The following CACNG8 variants were observed in gnomAD, a reference collection of about 807,000 sequenced individuals.
The protein encoded by CACNG8 is calcium voltage-gated channel auxiliary subunit gamma 8.
A neutral mutation model predicts 26.9 loss-of-function variants in CACNG8; 5 were observed. The observed-to-expected ratio is 0.19, with a 90% CI of 0.10 to 0.39. The LOEUF is 0.39. CACNG8 is among the 10% of genes least tolerant of loss of function. The pLI is 1.00. For missense variants in CACNG8, 473 were observed against 609.4 expected (o/e 0.78, Z 2.36); for synonymous variants, 321 against 296.7 (o/e 1.08, Z -0.84).
intron 1 of CACNG8, among the ~76,000 whole-genome samples, chr19:53,974,480 G>A (rs1372700772): frequency 6.6e-6 from 1 of 152,102 alleles, no homozygotes; most frequent in African/African-American, 2.4e-5. Flanking sequence ...ACCAGTACTG[G>A]CATTGCTGGA....
At chr19:53,969,249 C>T (rs1410758303) in intron 1 of CACNG8, among the ~76,000 whole-genome samples, 3 of 151,996 alleles carry the variant, frequency 2.0e-5, no homozygotes, top group South Asian at 2.1e-4. Context: ...GTGATCTGCC[C>T]GCCTTGGCCT....
rs1027836143 is a variant in CACNG8, at chr19:53,979,186, G to T, written c.368-681G>T. Among the ~76,000 whole-genome samples, 6 of 125,598 alleles carry T rather than the reference G, an allele frequency of 4.8e-5. No homozygotes were observed. In the Admixed American group the frequency reaches 5.4e-4, roughly 11 times the overall value. 82.4% of individuals were successfully genotyped at this position (125,598 alleles called of 152,430 possible). ...AGAGAGACTTAGGAAGACAGATGAG[G>T]CCAGGCAGAAAAAGCGGGGTGGGGG... On this transcript the variant is annotated intron_variant, in intron 2 of 3. Transcript: ENST00000270458.
At position 53,982,074 on chromosome 19, in the gene CACNG8, G is replaced by C. The variant is rs1381906807; in HGVS notation, c.509-6G>C. 1 of 1,555,006 alleles carries C rather than the reference G, an allele frequency of 6.4e-7. No homozygotes were observed. Among genetic ancestry groups the C allele is most frequent in the Admixed American group, 1.9e-5 (1 of 52,256 alleles). On this transcript the variant is annotated splice_region_variant and splice_polypyrimidine_tract_variant and intron_variant, in intron 3 of 3. Coordinates refer to ENST00000270458, the MANE Select transcript of CACNG8 (RefSeq NM_031895.6). This position sits in a 1 kb window ranked among gnomAD's most constrained non-coding sequence, Gnocchi z 8.4. ...TCGAGGCTCCCGTCTGACCGTCCCC[G>C]CCCAGGCCTGAGCAACATCATCGGC... is the stretch of plus-strand genomic sequence containing the variant.
rs1220966100 is a variant in CACNG8, at chr19:53,963,348, G to C, written c.206G>C (p.Gly69Ala). The C allele has an allele frequency of 6.3e-7, 1 of 1,594,690 alleles. No individual in the cohort carries two copies. Among genetic ancestry groups the C allele is most frequent in the Non-Finnish European group, 8.5e-7 (1 of 1,175,674 alleles). The change falls in exon 1 of 4, where the codon GGG becomes GCG. Residue 69 changes from glycine to alanine, a missense_variant. Coordinates refer to ENST00000270458, the MANE Select transcript of CACNG8 (RefSeq NM_031895.6). ...GGCGACGACGGGACCCCCCACCGCG[G>C]GGGCGGCGGCGCCTCGGAGAAGAAG...
Position 53,988,175 on chromosome 19 carries a change from G to A in CACNG8, c.*5326G>A, listed in dbSNP as rs1255082406. 3 of 152,366 alleles carry A rather than the reference G, an allele frequency of 2.0e-5. No homozygotes were observed. The highest frequency in any genetic ancestry group is 2.9e-5 in the Non-Finnish European group (2 of 68,118). 9.4% of individuals were successfully genotyped at this position (152,366 alleles called of 1,614,324 possible). A position where few individuals can be genotyped will look rare whatever the true frequency, so the allele number is the denominator to read the frequency against. ...AGGGTTGGTGATCTTGATAAGATAA[G>A]ATGTCAGTTCAGTGCAGTGGTGGGG... is the stretch of plus-strand genomic sequence containing the variant. On this transcript the variant is annotated 3_prime_UTR_variant, in exon 4 of 4. Transcript: ENST00000270458.
rs200782558 is a variant in CACNG8 at position 53,963,196 on chromosome 19, G to A, written c.54G>A (p.Gly18=). 58 of 1,597,316 alleles carry A rather than the reference G, an allele frequency of 3.6e-5. No individual in the cohort carries two copies. In the African/African-American group the frequency reaches 6.7e-4, roughly 18 times the overall value. Residue 18 remains glycine (G), a synonymous_variant, in exon 1 of 4, where the codon GGG becomes GGA. Transcript: ENST00000270458. ...AGCGGGGCCTCTGGTGCGAGAAGGG[G>A]GTGCAGGTGCTGCTGACGACGGTGG... is the stretch of plus-strand genomic sequence containing the variant.
In CACNG8 at chr19:53,983,384, C is replaced by G. The variant is rs1037823858; in HGVS notation, c.*535C>G. ...TTATTCCACAAGGGCTTATTAAGCA[C>G]CTACTGTGTACCAGGCACTGGTACA... On this transcript the variant is annotated 3_prime_UTR_variant, in exon 4 of 4. Coordinates refer to ENST00000270458, the MANE Select transcript of CACNG8 (RefSeq NM_031895.6). 2.3e-4 allele frequency: 35 copies of G among 152,276 alleles called. No homozygotes were observed. The highest frequency in any genetic ancestry group is 7.0e-4 in the African/African-American group (29 of 41,522). 9.4% of individuals were successfully genotyped at this position (152,276 alleles called of 1,614,324 possible).
chr19:53,963,728 C>T (rs2069256414), intron 1 of CACNG8, among the ~76,000 whole-genome samples: 1 of 152,058 alleles, frequency 6.6e-6, no homozygotes, highest in African/African-American at 2.4e-5. Flanking sequence ...CCCCATCACA[C>T]CCCTGCATCT....
At chr19:53,970,423 G>A (rs1039389690) in intron 1 of CACNG8, among the ~76,000 whole-genome samples, 1 of 147,710 alleles carries the variant, frequency 6.8e-6, no homozygotes, top group South Asian at 2.1e-4. Context: ...TCAGGAGTTC[G>A]AGTCCAGCCT....
At position 53,989,258 on chromosome 19, in the gene CACNG8, C is replaced by G. The variant is rs916323292; in HGVS notation, c.*6409C>G. ...CTTCAGGCTGGGCCACAGAGCAAGA[C>G]CCTGTCTCAGAAAACAGAAAGAAAG... On this transcript the variant is annotated 3_prime_UTR_variant, in exon 4 of 4. Transcript: ENST00000270458. The G allele has an allele frequency of 6.6e-6, 1 of 152,168 alleles. No homozygotes were observed. The highest frequency in any genetic ancestry group is 1.5e-5 in the Non-Finnish European group (1 of 68,122). The allele number at this position is 152,168 out of a possible 1,614,324, so 9.4% of individuals were successfully genotyped here.
Position 53,963,090 on chromosome 19 carries a change from C to T in CACNG8, c.-53C>T. ...CCCCCCCCAGCCGCCGGCACGGCCC[C>T]GCCCCCGCTGCCCCGGTGGTGGCCC... On this transcript the variant is annotated 5_prime_UTR_variant, in exon 1 of 4. Coordinates refer to ENST00000270458, the MANE Select transcript of CACNG8 (RefSeq NM_031895.6). 1.5e-6 allele frequency: 2 copies of T among 1,311,300 alleles called. No homozygotes were observed. Among genetic ancestry groups the T allele is most frequent in the Non-Finnish European group, 2.0e-6 (2 of 1,006,248 alleles). The allele number at this position is 1,311,300 out of a possible 1,614,324, so 81.2% of individuals were successfully genotyped here.
intron 2 of CACNG8, 25 bp from the exon 3 acceptor site, chr19:53,979,841 CT>C: frequency 1.9e-6 from 3 of 1,578,662 alleles, no homozygotes; most frequent in East Asian, 2.3e-5. Context: ...GCTCTCCCTC[CT>C]TTTCCTTTCC....
In CACNG8 at chr19:53,980,099, T is replaced by C. The variant is rs116294743; in HGVS notation, c.508+92T>C. ...GTGTGTGTGTGTGCGCGCGCGCGCG[T>C]GAGTGCAAGTGCGCGTTCGTGTGTC... is the stretch of plus-strand genomic sequence containing the variant. On this transcript the variant is annotated intron_variant, in intron 3 of 3. Transcript: ENST00000270458. The C allele has an allele frequency of 8.2e-3, 9,513 of 1,158,230 alleles. 286 individuals are homozygous for C. In the African/African-American group the frequency reaches 0.091, roughly 11 times the overall value. 71.7% of individuals were successfully genotyped at this position (1,158,230 alleles called of 1,614,324 possible).
intron 1 of CACNG8, among the ~76,000 whole-genome samples, chr19:53,969,526 T>C (rs11666427): frequency 1.3e-4 from 20 of 151,814 alleles, no homozygotes; most frequent in Non-Finnish European, 2.6e-4. Context: ...TCTCAACGCA[T>C]TGGGATTACA....
At position 53,963,332 on chromosome 19, in the gene CACNG8, G is replaced by C. The variant is rs746550882; in HGVS notation, c.190G>C (p.Gly64Arg). The C allele has an allele frequency of 6.3e-6, 10 of 1,599,692 alleles. No homozygotes were observed. The South Asian group carries it at 9.9e-5, about 16-fold the overall frequency. The change falls in exon 1 of 4, where the codon GGG (glycine) becomes CGG (arginine). Residue 64 changes from glycine (G) to arginine (R), a missense_variant. By Grantham distance (125) the Gly-to-Arg change is moderately radical (BLOSUM62 -2). Around this residue, in one of 6 missense-constraint regions of CACNG8, gnomAD observed 69 missense variants for 66.7 expected, o/e 1.03. Transcript: ENST00000270458. Reference sequence around the variant, plus strand: ...CAACCTCACGGCCGGCGGCGACGACGGGACCCCCCACCGCGGGGGCGGCGG... The same window carrying C: ...CAACCTCACGGCCGGCGGCGACGACCGGACCCCCCACCGCGGGGGCGGCGG...
chr19:53,972,792 C>T (rs149258586), intron 1 of CACNG8, among the ~76,000 whole-genome samples: 29 of 152,254 alleles, frequency 1.9e-4, no homozygotes, highest in African/African-American at 7.0e-4. Context: ...GGAAGTGGTA[C>T]GTTGGGATGT....
rs555273515 is a variant in CACNG8, at chr19:53,982,198, C to G, written c.627C>G (p.Gly209=). ...CGTACGGCTGGTCCTTCTACTTCGG[C>G]GGGCTGTCGTTCATCCTGGCCGAGG... Residue 209 remains glycine, a synonymous_variant, in exon 4 of 4, where the codon GGC becomes GGG. Coordinates refer to ENST00000270458, the MANE Select transcript of CACNG8 (RefSeq NM_031895.6). The surrounding 1 kb of genome is among the most constrained non-coding windows in gnomAD (Gnocchi z 8.4). The G allele has an allele frequency of 1.6e-4, 252 of 1,613,120 alleles. 5 individuals carry two copies. In the South Asian group the frequency reaches 2.6e-3, roughly 17 times the overall value.
At chr19:53,979,316 TGAG>T (rs1211800558) in intron 2 of CACNG8, among the ~76,000 whole-genome samples, 1 of 146,250 alleles carries the variant, frequency 6.8e-6, no homozygotes, top group African/African-American at 2.5e-5. Context: ...GGTGGGGGCG[TGAG>T]GAGAAGAAGG....
chr19:53,982,735 C>T lies in CACNG8; in HGVS notation c.1164C>T (p.Pro388=), dbSNP rs2086332236. ...TCACGGTCACGGTCACCGGGCCGCCCGCCCCGCCCGCGCCCGCGCCACCCG... is the reference window on the plus strand; with the variant it reads ...TCACGGTCACGGTCACCGGGCCGCCTGCCCCGCCCGCGCCCGCGCCACCCG... The change falls in exon 4 of 4, where the codon CCC becomes CCT. Residue 388 remains proline, a synonymous_variant. Transcript: ENST00000270458. This position sits in a 1 kb window ranked among gnomAD's most constrained non-coding sequence, Gnocchi z 8.4. The T allele has an allele frequency of 8.4e-6, 10 of 1,190,168 alleles. No individual in the cohort carries two copies. Among genetic ancestry groups the T allele is most frequent in the Non-Finnish European group, 1.0e-6 (1 of 966,898 alleles). 73.7% of individuals were successfully genotyped at this position (1,190,168 alleles called of 1,614,324 possible). A position where few individuals can be genotyped will look rare whatever the true frequency, so the allele number is the denominator to read the frequency against.
Sources: gnomAD v4.1 joint callset for allele counts (sites outside exome capture counted in the v4.1 genomes callset) on GRCh38, gnomAD v4.1.1 for gene constraint, gnomAD v4.1.1 regional missense constraint, Gnocchi (gnomAD v3.1) non-coding constraint, MANE v1.5 for transcripts, NCBI Gene and HGNC (gene_info 2026-07-23, HGNC 2026-07-21) for gene names.